The following SDC2 variants were observed in gnomAD, a reference collection of about 807,000 sequenced individuals.
SDC2 encodes syndecan-2.
A neutral mutation model predicts 22.2 loss-of-function variants in SDC2; 13 were observed. The observed-to-expected ratio is 0.59, with a 90% CI of 0.38 to 0.93. SDC2 has a LOEUF of 0.93. SDC2 is among the 40% of genes least tolerant of loss of function. SDC2 has a pLI of 0.00. For missense variants in SDC2, 235 were observed against 246.8 expected (o/e 0.95, Z 0.32); for synonymous variants, 94 against 92.8 (o/e 1.01, Z -0.07).
At chr8:96,518,281 A>C (rs1258600410) in intron 1 of SDC2, among the ~76,000 whole-genome samples, 1 of 152,082 alleles carries the variant, frequency 6.6e-6, no homozygotes, top group Non-Finnish European at 1.5e-5. Flanking sequence ...AGAAAAAAAA[A>C]GAAAAACCCA....
chr8:96,609,426 T>C lies in SDC2; in HGVS notation c.484T>C (p.Phe162Leu), dbSNP rs770133571. 1 of 1,613,306 alleles carries C rather than the reference T, an allele frequency of 6.2e-7. No homozygotes were observed. Among genetic ancestry groups the C allele is most frequent in the South Asian group, 1.1e-5 (1 of 90,918 alleles). ...AGTTATTGGCTTTCTCTTTGCAATTTTTCTTATCCTGCTGTTGGTGTATCG... is the reference window on the plus strand; with the variant it reads ...AGTTATTGGCTTTCTCTTTGCAATTCTTCTTATCCTGCTGTTGGTGTATCG... ...GGVIGFLFAI[F>L]LILLLVYRMR... Residue 162 changes from phenylalanine (F) to leucine (L), a missense_variant, in exon 5 of 5, where the codon TTT becomes CTT. By Grantham distance (22) the Phe-to-Leu change is conservative. Coordinates refer to ENST00000302190, the MANE Select transcript of SDC2 (RefSeq NM_002998.4).
intron 1 of SDC2, among the ~76,000 whole-genome samples, chr8:96,540,523 A>AAT (rs1443323445): frequency 6.7e-6 from 1 of 149,092 alleles, no homozygotes; most frequent in Non-Finnish European, 1.5e-5. Context: ...AAAAAAAAAA[A>AAT]TCTGTATGGT....
intron 1 of SDC2, among the ~76,000 whole-genome samples, chr8:96,534,294 C>T (rs1327654160): frequency 1.3e-5 from 2 of 152,204 alleles, no homozygotes; most frequent in East Asian, 1.9e-4. Flanking sequence ...ACCTCTCGAA[C>T]GTGGCCAGAG....
chr8:96,565,809 G>A (rs1814290709), intron 1 of SDC2, among the ~76,000 whole-genome samples: 1 of 152,178 alleles, frequency 6.6e-6, no homozygotes, highest in Non-Finnish European at 1.5e-5. Flanking sequence ...GATGGGAGGT[G>A]AAGGATTCAG....
At chr8:96,559,435 G>A (rs1316023174) in intron 1 of SDC2, among the ~76,000 whole-genome samples, 3 of 152,190 alleles carry the variant, frequency 2.0e-5, no homozygotes, top group African/African-American at 7.2e-5. Flanking sequence ...ATTTACTAAA[G>A]TAAGTAGTAA....
At chr8:96,601,099 A>G in intron 2 of SDC2, among the ~76,000 whole-genome samples, 1 of 152,142 alleles carries the variant, frequency 6.6e-6, no homozygotes. Flanking sequence ...TTAGGAACCC[A>G]AAGAAATAGG....
chr8:96,556,400 T>G (rs1438244086), intron 1 of SDC2, among the ~76,000 whole-genome samples: 2 of 151,176 alleles, frequency 1.3e-5, no homozygotes, highest in Admixed American at 1.3e-4. Context: ...ATAAGAATGG[T>G]ACCACTTCCT....
At chr8:96,498,132 A>G (rs937123837) in intron 1 of SDC2, among the ~76,000 whole-genome samples, 1 of 152,210 alleles carries the variant, frequency 6.6e-6, no homozygotes, top group African/African-American at 2.4e-5. Flanking sequence ...GTTGGTTTCC[A>G]CGTCCAGTCT....
chr8:96,573,860 T>C (rs1814443112), intron 1 of SDC2, among the ~76,000 whole-genome samples: 1 of 152,036 alleles, frequency 6.6e-6, no homozygotes, highest in Admixed American at 6.6e-5. Flanking sequence ...TCACCAAAGA[T>C]TCTTTATAAT....
intron 1 of SDC2, among the ~76,000 whole-genome samples, chr8:96,565,097 T>TTTTTTTTTTTTTG (rs1329448270): frequency 6.2e-5 from 8 of 128,546 alleles, no homozygotes; most frequent in African/African-American, 2.6e-4. Context: ...TTTTTTTTTT[T>TTTTTTTTTTTTTG]TTGTTGAGAT....
rs184139734 is a variant in SDC2, at chr8:96,513,251, A to G, written c.60+18920A>G. 8.5e-5 allele frequency among the ~76,000 whole-genome samples: 13 copies of G among 152,398 alleles called. No individual in the cohort carries two copies. In the East Asian group the frequency reaches 1.2e-3, roughly 14 times the overall value. ...AATGTGGATTGTAGGCACATCTGCTATAAATGAATTAAAATTTCATTTGCC... is the reference window on the plus strand; with the variant it reads ...AATGTGGATTGTAGGCACATCTGCTGTAAATGAATTAAAATTTCATTTGCC... On this transcript the variant is annotated intron_variant, in intron 1 of 4. Coordinates refer to ENST00000302190, the MANE Select transcript of SDC2 (RefSeq NM_002998.4).
chr8:96,583,902 T>TG (rs11429526), intron 1 of SDC2, among the ~76,000 whole-genome samples: 4,535 of 152,246 alleles, frequency 0.03, 231 homozygotes, highest in African/African-American at 0.1. Context: ...AGTACACCCC[T>TG]GTAGTGGGCA....
chr8:96,494,694 C>T (rs932974809), intron 1 of SDC2, among the ~76,000 whole-genome samples: 2 of 152,124 alleles, frequency 1.3e-5, no homozygotes. Context: ...TGGGTCGGGC[C>T]CGCGAGGGAA....
chr8:96,494,027 A>T lies in SDC2; in HGVS notation c.-245A>T. 1 of 538,044 alleles carries T rather than the reference A, an allele frequency of 1.9e-6. No homozygotes were observed. The highest frequency in any genetic ancestry group is 3.2e-6 in the Non-Finnish European group (1 of 308,798). The allele number at this position is 538,044 out of a possible 1,614,324, so 33.3% of individuals were successfully genotyped here. On this transcript the variant is annotated 5_prime_UTR_variant, in exon 1 of 5. Transcript: ENST00000302190. ...CCCGGAGCACCAACTCCGTGTCGGG[A>T]GTGCAGAAACCAACAAGTGAGAGGG...
chr8:96,539,954 A>T (rs572440279), intron 1 of SDC2, among the ~76,000 whole-genome samples: 71 of 152,288 alleles, frequency 4.7e-4, no homozygotes, highest in African/African-American at 1.6e-3. Flanking sequence ...GCAGGGTCTC[A>T]CTGTCACCCA....
intron 1 of SDC2, among the ~76,000 whole-genome samples, chr8:96,500,661 CAAAA>C (rs56672989): frequency 2.7e-5 from 2 of 73,634 alleles, no homozygotes; most frequent in Non-Finnish European, 2.7e-5. Context: ...GACTCCATCT[CAAAA>C]AAAAAAAAAA....
At chr8:96,589,929 T>C (rs1260910906) in intron 1 of SDC2, among the ~76,000 whole-genome samples, 3 of 152,168 alleles carry the variant, frequency 2.0e-5, no homozygotes, top group African/African-American at 7.2e-5. Flanking sequence ...GGGGTGGAGA[T>C]AGGAGACAAG....
At chr8:96,605,694 T>A (rs750198638) in intron 3 of SDC2, among the ~76,000 whole-genome samples, 37 of 152,350 alleles carry the variant, frequency 2.4e-4, no homozygotes, top group Non-Finnish European at 4.4e-4. Context: ...TTTCTTGCAA[T>A]TTGGGAATGA....
chr8:96,496,139 C>T (rs540200888), intron 1 of SDC2, among the ~76,000 whole-genome samples: 1 of 152,152 alleles, frequency 6.6e-6, no homozygotes, highest in Non-Finnish European at 1.5e-5. Context: ...CATGGATTTG[C>T]TAGGAAATGT....
Sources: allele counts gnomAD v4.1 joint callset (sites outside exome capture counted in the v4.1 genomes callset), GRCh38; gene constraint gnomAD v4.1.1; transcripts MANE v1.5; gene names NCBI Gene and HGNC (gene_info 2026-07-23, HGNC 2026-07-21).